The following RNF152 variants were observed in gnomAD, a reference collection of about 807,000 sequenced individuals.
RNF152 encodes the protein ring finger protein 152.
In RNF152, 11 loss-of-function variants were observed where a neutral mutation model predicts 12.7. That is an observed-to-expected ratio of 0.86 (90% CI 0.54 to 1.43). RNF152 has a LOEUF of 1.43. RNF152 is among the 40% of genes most tolerant of loss of function. RNF152 has a pLI of 0.00. For synonymous variants in RNF152, 113 were observed against 120.3 expected, an observed-to-expected ratio of 0.94 and a Z score of 0.40; for missense variants, 255 against 274.8, an observed-to-expected ratio of 0.93 and a Z score of 0.51.
chr18:61,815,900 G>A lies in RNF152; in HGVS notation c.564C>T (p.His188=). The A allele has an allele frequency of 1.2e-6, 2 of 1,614,200 alleles. No homozygotes were observed. Among genetic ancestry groups the A allele is most frequent in the Non-Finnish European group, 1.7e-6 (2 of 1,180,038 alleles). ...VLVFLLGIVL[H]NMSCISKRFT... ...AGCGCTTAGAAATGCAAGACATGTT[G>A]TGAAGCACGATGCCGAGGAGGAAGA... Residue 188 remains histidine (H), a synonymous_variant, in exon 2 of 2, where the codon CAC becomes CAT. Transcript: ENST00000312828.
At chr18:61,826,486 C>A (rs941924250) in intron 1 of RNF152, among the ~76,000 whole-genome samples, 2 of 152,150 alleles carry the variant, frequency 1.3e-5, no homozygotes, top group Admixed American at 1.3e-4. Context: ...GCCTTTCTCA[C>A]CTTCCTCCCT....
At chr18:61,880,144 G>A (rs368191771) in intron 1 of RNF152, among the ~76,000 whole-genome samples, 219 of 152,058 alleles carry the variant, frequency 1.4e-3, no homozygotes, top group African/African-American at 5.2e-3. Flanking sequence ...ATTAGCACAG[G>A]ACAAAACTCA....
intron 1 of RNF152, among the ~76,000 whole-genome samples, chr18:61,885,963 T>C: frequency 7.5e-6 from 1 of 133,752 alleles, no homozygotes; most frequent in Non-Finnish European, 1.6e-5. Context: ...GAGGTTTTTT[T>C]TCTTTTGCTT....
chr18:61,879,288 C>T (rs538495973), intron 1 of RNF152, among the ~76,000 whole-genome samples: 9 of 151,716 alleles, frequency 5.9e-5, no homozygotes, highest in Non-Finnish European at 8.9e-5. Flanking sequence ...GTTTACATTA[C>T]ATTTGCATAG....
intron 1 of RNF152, among the ~76,000 whole-genome samples, chr18:61,854,921 T>C (rs1327394102): frequency 6.6e-6 from 1 of 152,216 alleles, no homozygotes; most frequent in African/African-American, 2.4e-5. Flanking sequence ...AGTTACATGA[T>C]TTTCCTGAAC....
chr18:61,825,942 T>G (rs1470383588), intron 1 of RNF152, among the ~76,000 whole-genome samples: 2 of 152,184 alleles, frequency 1.3e-5, no homozygotes, highest in Non-Finnish European at 2.9e-5. Context: ...ATTTTCCCAT[T>G]ATATTTTATC....
chr18:61,850,113 G>A (rs1344784693), intron 1 of RNF152, among the ~76,000 whole-genome samples: 1 of 152,174 alleles, frequency 6.6e-6, no homozygotes, highest in African/African-American at 2.4e-5. Context: ...CAATAATACG[G>A]TAGTGTTGAA....
At chr18:61,878,472 G>A (rs77680585) in intron 1 of RNF152, among the ~76,000 whole-genome samples, 6,942 of 152,318 alleles carry the variant, frequency 0.046, 218 homozygotes, top group Middle Eastern at 0.061. Flanking sequence ...ACAAACTCAC[G>A]TGTTAATCAC....
chr18:61,851,661 A>G (rs985516126), intron 1 of RNF152, among the ~76,000 whole-genome samples: 2 of 152,228 alleles, frequency 1.3e-5, no homozygotes, highest in Admixed American at 1.3e-4. Context: ...GACTGTCTGG[A>G]CACCCAAATT....
intron 1 of RNF152, among the ~76,000 whole-genome samples, chr18:61,828,372 C>T (rs1040840760): frequency 2.6e-5 from 4 of 152,176 alleles, no homozygotes; most frequent in Admixed American, 6.5e-5. Flanking sequence ...CTGCCTTAGC[C>T]CCCCGAGTAG....
chr18:61,838,403 A>C (rs1300093819), intron 1 of RNF152, among the ~76,000 whole-genome samples: 1 of 152,222 alleles, frequency 6.6e-6, no homozygotes, highest in Non-Finnish European at 1.5e-5. Context: ...CTGTAACCAG[A>C]GACGGAGGAG....
intron 1 of RNF152, among the ~76,000 whole-genome samples, chr18:61,844,195 G>C (rs1910641892): frequency 7.6e-6 from 1 of 131,746 alleles, no homozygotes; most frequent in Non-Finnish European, 1.6e-5. Flanking sequence ...GGAAGGAAGG[G>C]AAGGAGGGAG....
intron 1 of RNF152, among the ~76,000 whole-genome samples, chr18:61,892,363 C>T (rs1296394449): frequency 1.3e-5 from 2 of 152,126 alleles, no homozygotes; most frequent in African/African-American, 4.8e-5. Context: ...TGCATTTGAC[C>T]GGTGCTCAAT....
In RNF152 at chr18:61,811,884, G is replaced by A. The variant is rs943243574; in HGVS notation, c.*3968C>T. ...GACAATAGGTTAACATGCAGCTAAT[G>A]ATCCCAGAAAAGGGGCTTAATAAAG... On this transcript the variant is annotated 3_prime_UTR_variant, in exon 2 of 2. Transcript: ENST00000312828. 2 of 152,170 alleles carry A rather than the reference G, an allele frequency of 1.3e-5. No homozygotes were observed. The highest frequency in any genetic ancestry group is 2.9e-5 in the Non-Finnish European group (2 of 68,032). 9.4% of individuals were successfully genotyped at this position (152,170 alleles called of 1,614,324 possible). A position where few individuals can be genotyped will look rare whatever the true frequency, so the allele number is the denominator to read the frequency against.
chr18:61,851,029 C>T (rs1304936457), intron 1 of RNF152, among the ~76,000 whole-genome samples: 1 of 151,242 alleles, frequency 6.6e-6, no homozygotes, highest in African/African-American at 2.4e-5. Context: ...CCACCAGGTG[C>T]ATCAGCCAGT....
intron 1 of RNF152, among the ~76,000 whole-genome samples, chr18:61,861,753 A>C (rs1031161794): frequency 1.6e-4 from 24 of 152,194 alleles, no homozygotes; most frequent in Admixed American, 3.9e-4. Flanking sequence ...TGGCATGTGC[A>C]GAGATCACAT....
intron 1 of RNF152, among the ~76,000 whole-genome samples, chr18:61,879,719 T>C (rs1382103456): frequency 6.6e-6 from 1 of 152,096 alleles, no homozygotes; most frequent in Admixed American, 6.6e-5. Context: ...ATCCCAGCAC[T>C]TTGGGAGGCT....
At chr18:61,869,393 G>GC (rs1161725632) in intron 1 of RNF152, among the ~76,000 whole-genome samples, 1 of 152,078 alleles carries the variant, frequency 6.6e-6, no homozygotes, top group African/African-American at 2.4e-5. Flanking sequence ...ATAAACATGG[G>GC]CCATGGAGGT....
At position 61,809,009 on chromosome 18, in the gene RNF152, G is replaced by T; in HGVS notation, c.*6843C>A. On this transcript the variant is annotated 3_prime_UTR_variant, in exon 2 of 2. Coordinates refer to ENST00000312828, the MANE Select transcript of RNF152 (RefSeq NM_173557.3). ...GAATTGAACTTGGTAGTCCGTACTG[G>T]AATGACAGATTGTGCTTGACTAAGT... The T allele has an allele frequency of 6.6e-6, 1 of 152,350 alleles. No homozygotes were observed. The highest frequency in any genetic ancestry group is 1.5e-5 in the Non-Finnish European group (1 of 68,064). 9.4% of individuals were successfully genotyped at this position (152,350 alleles called of 1,614,324 possible).
Sources: gnomAD v4.1 joint callset for allele counts (sites outside exome capture counted in the v4.1 genomes callset) on GRCh38, gnomAD v4.1.1 for gene constraint, MANE v1.5 for transcripts, NCBI Gene and HGNC (gene_info 2026-07-23, HGNC 2026-07-21) for gene names.